Variants in TDRD3 observed in about 807,000 individuals in gnomAD.
The protein encoded by TDRD3 is tudor domain-containing protein 3.
TDRD3 carries 45 observed loss-of-function variants against 86.7 expected under a neutral mutation model. The ratio of observed to expected loss-of-function variants is 0.52; its 90% CI spans 0.41 to 0.67. TDRD3 has a LOEUF of 0.67. Among genes scored for constraint, TDRD3 ranks in the 30% least tolerant of loss-of-function variants. The pLI is 0.00. For synonymous variants in TDRD3, 298 were observed against 301.7 expected, an observed-to-expected ratio of 0.99 and a Z score of 0.13; for missense variants, 814 against 889.0, an observed-to-expected ratio of 0.92 and a Z score of 1.07.
At chr13:60,479,454 A>C (rs1956266437) in intron 5 of TDRD3, among the ~76,000 whole-genome samples, 1 of 152,220 alleles carries the variant, frequency 6.6e-6, no homozygotes, top group Non-Finnish European at 1.5e-5. Context: ...TGTGCAGATG[A>C]GAAGAATGTA....
At chr13:60,404,389 C>G (rs1194319528) in intron 1 of TDRD3, among the ~76,000 whole-genome samples, 1 of 142,148 alleles carries the variant, frequency 7.0e-6, no homozygotes, top group Non-Finnish European at 1.5e-5. Context: ...CGGCTCACTG[C>G]AAGCTCCGCC....
chr13:60,397,902 G>A (rs1438878038), intron 1 of TDRD3, among the ~76,000 whole-genome samples: 1 of 152,166 alleles, frequency 6.6e-6, no homozygotes, highest in Non-Finnish European at 1.5e-5. Context: ...CCGCGCTGCG[G>A]CCGGAGCCGC....
chr13:60,443,631 C>G (rs1955333974), intron 2 of TDRD3, among the ~76,000 whole-genome samples: 1 of 151,886 alleles, frequency 6.6e-6, no homozygotes. Flanking sequence ...GATGGTCCTG[C>G]CCCTCTGTAT....
intron 11 of TDRD3, among the ~76,000 whole-genome samples, chr13:60,533,179 A>C (rs9538737): frequency 0.14 from 20,964 of 152,224 alleles, 1,529 homozygotes; most frequent in East Asian, 0.2. Context: ...ACTTGCTAAC[A>C]TTCAGACCTG....
At chr13:60,415,349 T>G (rs1954478018) in intron 1 of TDRD3, among the ~76,000 whole-genome samples, 1 of 152,130 alleles carries the variant, frequency 6.6e-6, no homozygotes, top group Admixed American at 6.6e-5. Context: ...TTATTCTGAT[T>G]ATATTATTAT....
intron 10 of TDRD3, among the ~76,000 whole-genome samples, chr13:60,520,996 T>C (rs1199710024): frequency 6.6e-6 from 1 of 152,244 alleles, no homozygotes; most frequent in Non-Finnish European, 1.5e-5. Context: ...GGGTTCTTTG[T>C]GACTTTGTCA....
chr13:60,485,315 A>AC (rs1202592170), intron 6 of TDRD3, among the ~76,000 whole-genome samples: 1 of 151,900 alleles, frequency 6.6e-6, no homozygotes, highest in Non-Finnish European at 1.5e-5. Context: ...GAAGCCTGAT[A>AC]CGGGGGGTGG....
chr13:60,435,937 T>G (rs909197014), intron 1 of TDRD3, among the ~76,000 whole-genome samples: 5 of 151,646 alleles, frequency 3.3e-5, no homozygotes, highest in Admixed American at 6.6e-5. Context: ...TTTTTACTTT[T>G]TAATTATGGC....
Position 60,494,479 on chromosome 13 carries a change from C to G in TDRD3, c.762C>G (p.Leu254=). Residue 254 remains leucine (L), a synonymous_variant, in exon 8 of 14, where the codon CTC becomes CTG. Coordinates refer to ENST00000377881, the MANE Select transcript of TDRD3 (RefSeq NM_001146070.2). ...GGGGGGARSN[L]NMNAAGNRNR... ...GTGGTGGTGGTGCTAGAAGTAATCT[C>G]AATATGAATGCTGCTGGTAACCGAA... 6.2e-7 allele frequency: 1 copy of G among 1,613,618 alleles called. No individual in the cohort carries two copies. Among genetic ancestry groups the G allele is most frequent in the Non-Finnish European group, 8.5e-7 (1 of 1,179,800 alleles).
intron 12 of TDRD3, among the ~76,000 whole-genome samples, chr13:60,545,645 C>T (rs1228583353): frequency 6.6e-6 from 1 of 151,746 alleles, no homozygotes; most frequent in Non-Finnish European, 1.5e-5. Context: ...AGAATGTACA[C>T]GAATGTATTT....
At chr13:60,489,159 C>T (rs942503189) in intron 7 of TDRD3, among the ~76,000 whole-genome samples, 1 of 152,084 alleles carries the variant, frequency 6.6e-6, no homozygotes, top group Non-Finnish European at 1.5e-5. Context: ...AAACCCCTCT[C>T]TCTTATATTA....
intron 1 of TDRD3, among the ~76,000 whole-genome samples, chr13:60,432,116 C>G (rs1954968335): frequency 1.3e-5 from 2 of 152,074 alleles, no homozygotes; most frequent in Admixed American, 6.5e-5. Flanking sequence ...TAAAAGACCT[C>G]TTTTTTCATT....
Position 60,528,880 on chromosome 13 carries a change from A to G in TDRD3, c.1655A>G (p.Gln552Arg), listed in dbSNP as rs1261602901. Residue 552 changes from glutamine (Q) to arginine (R), a missense_variant, in exon 11 of 14, where the codon CAA becomes CGA. Coordinates refer to ENST00000377881, the MANE Select transcript of TDRD3 (RefSeq NM_001146070.2). ...GATTATTTTTATGACAGGAAATCAC[A>G]AACAATAAATAATGAAGCTTTCAGT... ...IPDYFYDRKS[Q>R]TINNEAFSGI... The G allele has an allele frequency of 1.1e-5, 17 of 1,612,132 alleles. No homozygotes were observed. Among genetic ancestry groups the G allele is most frequent in the Admixed American group, 5.0e-5 (3 of 59,630 alleles).
intron 1 of TDRD3, among the ~76,000 whole-genome samples, chr13:60,419,507 A>G (rs1387666969): frequency 6.6e-6 from 1 of 152,172 alleles, no homozygotes. Context: ...GGAAACCATC[A>G]TTCTCAGCAA....
intron 3 of TDRD3, among the ~76,000 whole-genome samples, chr13:60,447,916 A>G (rs1210848718): frequency 2.6e-5 from 4 of 152,122 alleles, no homozygotes; most frequent in Non-Finnish European, 1.5e-5. Flanking sequence ...TGCCTTTGAA[A>G]GGGCCTCACC....
chr13:60,412,803 G>T (rs1397071766), intron 1 of TDRD3, among the ~76,000 whole-genome samples: 1 of 151,918 alleles, frequency 6.6e-6, no homozygotes, highest in African/African-American at 2.4e-5. Flanking sequence ...TTACCTTATC[G>T]CAGTAGCTTT....
chr13:60,424,230 C>G (rs1223674972), intron 1 of TDRD3, among the ~76,000 whole-genome samples: 1 of 151,912 alleles, frequency 6.6e-6, no homozygotes, highest in Non-Finnish European at 1.5e-5. Flanking sequence ...ACTGTGTTAG[C>G]CAGGATGGTC....
chr13:60,453,787 C>T (rs893255195), intron 3 of TDRD3, among the ~76,000 whole-genome samples: 3 of 152,148 alleles, frequency 2.0e-5, no homozygotes, highest in African/African-American at 4.8e-5. Context: ...CATTTTAAAC[C>T]ATTTCAGTAG....
intron 5 of TDRD3, among the ~76,000 whole-genome samples, chr13:60,481,884 A>G (rs539758240): frequency 1.6e-4 from 25 of 152,328 alleles, no homozygotes; most frequent in Non-Finnish European, 3.5e-4. Context: ...GCTTTGGTCA[A>G]CAGTTAATTT....
Sources: gnomAD v4.1 joint callset for allele counts (sites outside exome capture counted in the v4.1 genomes callset) on GRCh38, gnomAD v4.1.1 for gene constraint, MANE v1.5 for transcripts, NCBI Gene and HGNC (gene_info 2026-07-23, HGNC 2026-07-21) for gene names.